NAV1: variants seen among roughly 807,000 people sequenced by gnomAD.
The protein encoded by NAV1 is pore membrane and/or filament interacting like protein 3.
NAV1 carries 18 observed loss-of-function variants against 175.2 expected under a neutral mutation model. That is an observed-to-expected ratio of 0.10 (90% CI 0.07 to 0.15). The LOEUF is 0.15. Among genes scored for constraint, NAV1 ranks in the 10% least tolerant of loss-of-function variants. The probability of loss-of-function intolerance (pLI) is 1.00; values close to 1 mark genes in which losing one functional copy is unlikely to be tolerated. For synonymous variants in NAV1, 897 were observed against 978.7 expected (o/e 0.92, Z 1.56); for missense variants, 1,731 against 2,436.6 (o/e 0.71, Z 6.10).
intron 3 of NAV1, among the ~76,000 whole-genome samples, chr1:201,765,381 C>CTTTTTTTTTTTTTTTTTTTTTTTTT (rs59583786): frequency 3.0e-5 from 3 of 98,616 alleles, no homozygotes; most frequent in African/African-American, 4.0e-5. Context: ...AGGAAATATT[C>CTTTTTTTTTTTTTTTTTTTTTTTTT]TTTTTTTTTT....
intron 1 of NAV1, among the ~76,000 whole-genome samples, chr1:201,551,138 T>C (rs1171005372): frequency 6.6e-6 from 1 of 152,048 alleles, no homozygotes. Flanking sequence ...AGGGAATGAG[T>C]TGGGGAACCC....
At chr1:201,742,434 C>T (rs1673482958) in intron 3 of NAV1, among the ~76,000 whole-genome samples, 1 of 152,178 alleles carries the variant, frequency 6.6e-6, no homozygotes. Flanking sequence ...TATTTCTTCT[C>T]TGGATGCCTG....
intron 1 of NAV1, among the ~76,000 whole-genome samples, chr1:201,680,999 C>T (rs1377079353): frequency 6.6e-6 from 1 of 152,126 alleles, no homozygotes; most frequent in African/African-American, 2.4e-5. Flanking sequence ...TCTTTCGTCC[C>T]CAGCCATTGT....
chr1:201,648,284 A>C, exon 1 of NAV1: 13 of 1,073,948 alleles, frequency 1.2e-5, no homozygotes, highest in East Asian at 6.0e-5. Flanking sequence ...GCGGGCTGGG[A>C]TCCGGACACC....
intron 2 of NAV1, among the ~76,000 whole-genome samples, chr1:201,590,010 A>T (rs1667141363): frequency 6.6e-6 from 1 of 152,176 alleles, no homozygotes; most frequent in African/African-American, 2.4e-5. Context: ...CTCCTGCCTC[A>T]GCCTCCAGAG....
At chr1:201,699,763 A>G (rs1671338546) in intron 1 of NAV1, among the ~76,000 whole-genome samples, 2 of 152,226 alleles carry the variant, frequency 1.3e-5, no homozygotes, top group African/African-American at 4.8e-5. Flanking sequence ...ATGGAACAGA[A>G]CAGAGGCCTC....
At chr1:201,642,537 C>CTT (rs778683230) in intron 2 of NAV1, among the ~76,000 whole-genome samples, 87 of 105,618 alleles carry the variant, frequency 8.2e-4, no homozygotes, top group Non-Finnish European at 1.1e-3. Flanking sequence ...TTCTTTCTTT[C>CTT]TTTCTTTCTT....
chr1:201,664,169 C>T (rs190799750), intron 1 of NAV1, among the ~76,000 whole-genome samples: 254 of 152,188 alleles, frequency 1.7e-3, no homozygotes, highest in African/African-American at 5.8e-3. Flanking sequence ...GGTGAGACCT[C>T]GTCTCTACTA....
intron 28 of NAV1, among the ~76,000 whole-genome samples, chr1:201,815,849 CTG>C (rs1467696316): frequency 2.6e-5 from 4 of 152,122 alleles, no homozygotes; most frequent in Non-Finnish European, 5.9e-5. Context: ...AGCGATTCTC[CTG>C]CCTCAGCCTC....
At chr1:201,794,687 A>G (rs1677328680) in intron 15 of NAV1, 110 bp downstream of exon 19, 10 of 977,176 alleles carry the variant, frequency 1.0e-5, no homozygotes, top group Non-Finnish European at 1.6e-5. Flanking sequence ...AGTCTCTAGA[A>G]GGTGAGGGCC....
chr1:201,606,216 T>C (rs568259132), intron 2 of NAV1, among the ~76,000 whole-genome samples: 1 of 152,178 alleles, frequency 6.6e-6, no homozygotes. Context: ...TTTCTGGACA[T>C]GTGGCCAGGG....
intron 3 of NAV1, among the ~76,000 whole-genome samples, chr1:201,738,385 C>T (rs910649441): frequency 6.6e-6 from 1 of 152,108 alleles, no homozygotes; most frequent in African/African-American, 2.4e-5. Flanking sequence ...AAACAGAGGT[C>T]CCTCTGCTGA....
At position 201,815,047 on chromosome 1, in the gene NAV1, A is replaced by C. The variant is rs530199069; in HGVS notation, c.5340+1789A>C. Among the ~76,000 whole-genome samples the C allele has an allele frequency of 2.6e-5, 4 of 151,824 alleles. 1 individual carries two copies. In the South Asian group the frequency reaches 8.3e-4, roughly 32 times the overall value. On this transcript the variant is annotated intron_variant, in intron 28 of 29. Transcript: ENST00000367296. ...AGAGGGAGACTCTGTCTCAAAAAAA[A>C]AAAAAAAAAGTTAAAAAAAAAAAAT...
chr1:201,815,362 C>T (rs1466669242), intron 28 of NAV1, among the ~76,000 whole-genome samples: 2 of 152,048 alleles, frequency 1.3e-5, no homozygotes, highest in African/African-American at 2.4e-5. Flanking sequence ...GGCAACATAG[C>T]GAGACCTTGT....
chr1:201,761,249 A>G (rs755410276), intron 3 of NAV1, among the ~76,000 whole-genome samples: 7 of 152,244 alleles, frequency 4.6e-5, no homozygotes, highest in Non-Finnish European at 8.8e-5. Flanking sequence ...TGGAGTGAGA[A>G]AACTGAATAT....
At chr1:201,774,803 A>C (rs1558149297) in intron 3 of NAV1, among the ~76,000 whole-genome samples, 1 of 152,230 alleles carries the variant, frequency 6.6e-6, no homozygotes, top group Non-Finnish European at 1.5e-5. Flanking sequence ...TTAAATGAAA[A>C]TAAAGCGTTT....
At chr1:201,565,760 A>T (rs977805307) in intron 1 of NAV1, among the ~76,000 whole-genome samples, 1 of 151,976 alleles carries the variant, frequency 6.6e-6, no homozygotes, top group South Asian at 2.1e-4. Flanking sequence ...TCTGGGGGAA[A>T]CTGAGGCCCA....
rs1409800379 is a variant in NAV1 at position 201,813,254 on chromosome 1, T to C, written c.5336T>C (p.Ile1779Thr). 1 of 1,603,190 alleles carries C rather than the reference T, an allele frequency of 6.2e-7. No individual in the cohort carries two copies. Among genetic ancestry groups the C allele is most frequent in the Non-Finnish European group, 8.5e-7 (1 of 1,170,274 alleles). ...CTACAGGAAGGAGCCAAGGATGGGA[T>C]AAAGGTGAGCCCTACCCCCTTCACT... Residue 1779 changes from isoleucine (I) to threonine (T), a missense_variant, in exon 28 of 30, where the codon ATA becomes ACA. By Grantham distance (89) the Ile-to-Thr change is moderately conservative (BLOSUM62 -1). This residue lies in a region of NAV1 where 30 missense variants were observed against 97.3 expected (regional missense o/e 0.31). Transcript: ENST00000367296. The surrounding 1 kb of genome is among the most constrained non-coding windows in gnomAD (Gnocchi z 4.2).
At chr1:201,726,383 C>T (rs937169740) in intron 3 of NAV1, among the ~76,000 whole-genome samples, 25 of 152,088 alleles carry the variant, frequency 1.6e-4, no homozygotes, top group Non-Finnish European at 3.5e-4. Flanking sequence ...GTGGCTTATG[C>T]CTGTAATCCC....
Sources: allele counts gnomAD v4.1 joint callset (sites outside exome capture counted in the v4.1 genomes callset), GRCh38; gene constraint gnomAD v4.1.1; regional missense constraint gnomAD v4.1.1; non-coding constraint Gnocchi (gnomAD v3.1); transcripts MANE v1.5; gene names NCBI Gene and HGNC (gene_info 2026-07-23, HGNC 2026-07-21).